SYCP2: variants seen among roughly 807,000 people sequenced by gnomAD.
SYCP2 encodes the protein synaptonemal complex lateral element protein.
A neutral mutation model predicts 211.3 loss-of-function variants in SYCP2; 55 were observed. That is an observed-to-expected ratio of 0.26 (90% CI 0.21 to 0.33). SYCP2 has a LOEUF of 0.33. SYCP2 is among the 10% of genes least tolerant of loss of function. The probability of loss-of-function intolerance (pLI) is 1.00; values close to 1 mark genes in which losing one functional copy is unlikely to be tolerated. For missense variants in SYCP2, 1,731 were observed against 1,752.0 expected (o/e 0.99, Z 0.21); for synonymous variants, 570 against 555.2 (o/e 1.03, Z -0.37).
intron 35 of SYCP2, among the ~76,000 whole-genome samples, chr20:59,872,095 C>G (rs897172497): frequency 1.3e-5 from 2 of 151,942 alleles, no homozygotes; most frequent in Middle Eastern, 3.2e-3. Flanking sequence ...TCTCCTACCT[C>G]TACTTTAAAC....
intron 24 of SYCP2, among the ~76,000 whole-genome samples, chr20:59,889,795 G>T (rs1361942055): frequency 1.3e-5 from 2 of 152,026 alleles, no homozygotes; most frequent in African/African-American, 2.4e-5. Context: ...TACCAAGGTT[G>T]CTCTGGGGTG....
At position 59,920,464 on chromosome 20, in the gene SYCP2, G is replaced by A; in HGVS notation, c.192C>T (p.His64=). ...CAGAAACCAAAATGGCTGAAACATT[G>A]TGGATATCCTCTTTATTAAGTTCCT... ...ICRELNKEDI[H]NVSAILVSVG... is the part of the protein sequence containing the mutation. The change falls in exon 5 of 45, where the codon CAC becomes CAT. Residue 64 remains histidine, a synonymous_variant. Transcript: ENST00000357552. 1 of 1,604,498 alleles carries A rather than the reference G, an allele frequency of 6.2e-7. No individual in the cohort carries two copies. The highest frequency in any genetic ancestry group is 8.5e-7 in the Non-Finnish European group (1 of 1,173,616).
rs752496580 is a variant in SYCP2, at chr20:59,912,406, A to G, written c.843T>C (p.Phe281=). The G allele has an allele frequency of 9.2e-7, 1 of 1,081,300 alleles. No individual in the cohort carries two copies. Among genetic ancestry groups the G allele is most frequent in the Admixed American group, 2.4e-5 (1 of 42,266 alleles). 67.0% of individuals were successfully genotyped at this position (1,081,300 alleles called of 1,614,324 possible). A position where few individuals can be genotyped will look rare whatever the true frequency, so the allele number is the denominator to read the frequency against. ...TATCAAGAAATGCTGATAAACAAGGAAATGTAAAGACCCTGAAATAAAAAG... is the reference window on the plus strand; with the variant it reads ...TATCAAGAAATGCTGATAAACAAGGGAATGTAAAGACCCTGAAATAAAAAG... ...MLGDKRRVFT[F]PCLSAFLDKY... is the part of the protein sequence containing the mutation. Residue 281 remains phenylalanine (F), a synonymous_variant, in exon 13 of 45, where the codon TTT becomes TTC. Coordinates refer to ENST00000357552, the MANE Select transcript of SYCP2 (RefSeq NM_014258.4).
chr20:59,869,747 A>G, intron 36 of SYCP2, 51 bp downstream of exon 36: 1 of 1,088,690 alleles, frequency 9.2e-7, no homozygotes, highest in Non-Finnish European at 1.3e-6. Flanking sequence ...TGAGTCTTAT[A>G]AGAACCATCT....
At chr20:59,897,287 G>A (rs980722224) in intron 18 of SYCP2, among the ~76,000 whole-genome samples, 2 of 152,138 alleles carry the variant, frequency 1.3e-5, no homozygotes, top group African/African-American at 4.8e-5. Flanking sequence ...GTGAGGGAAG[G>A]ATGGAAAGGA....
At chr20:59,865,188 T>C (rs1000777929) in intron 44 of SYCP2, among the ~76,000 whole-genome samples, 200 bp downstream of exon 44, 1 of 151,976 alleles carries the variant, frequency 6.6e-6, no homozygotes, top group Non-Finnish European at 1.5e-5. Context: ...CTTTTACTCC[T>C]TAGGAGGGCC....
intron 31 of SYCP2, 23 bp downstream of exon 31, chr20:59,880,280 T>C (rs925241680): frequency 6.5e-7 from 1 of 1,540,548 alleles, no homozygotes. Context: ...TTTGCAACAT[T>C]TATCCAAAAG....
intron 27 of SYCP2, 31 bp from the exon 28 acceptor site, chr20:59,882,033 C>T (rs181630890): frequency 1.8e-5 from 29 of 1,608,302 alleles, no homozygotes; most frequent in African/African-American, 2.7e-5. Flanking sequence ...ATTAGCTCCA[C>T]TTAAATATGT....
intron 35 of SYCP2, among the ~76,000 whole-genome samples, chr20:59,873,353 G>A (rs1401324157): frequency 6.6e-6 from 1 of 152,104 alleles, no homozygotes; most frequent in Non-Finnish European, 1.5e-5. Context: ...CTCTACAGTT[G>A]ATCTGATAAC....
chr20:59,872,841 C>T (rs886907778), intron 35 of SYCP2, among the ~76,000 whole-genome samples: 3 of 151,948 alleles, frequency 2.0e-5, no homozygotes, highest in African/African-American at 4.8e-5. Context: ...AAGTCTATGG[C>T]CTTTAATAAA....
intron 19 of SYCP2, 82 bp downstream of exon 19, chr20:59,896,347 A>G (rs964965609): frequency 1.1e-5 from 8 of 723,524 alleles, no homozygotes; most frequent in East Asian, 8.1e-5. Context: ...CCTTTATGTA[A>G]ATTATGTTCA....
chr20:59,910,831 AC>A (rs2060307361), intron 14 of SYCP2, among the ~76,000 whole-genome samples: 1 of 151,560 alleles, frequency 6.6e-6, no homozygotes, highest in Non-Finnish European at 1.5e-5. Context: ...AGCTTAAAAC[AC>A]TCCTACAAAT....
rs779962593 is a variant in SYCP2 at position 59,907,431 on chromosome 20, T to A, written c.973-7A>T. ...CTGCTTCCCATTGATGATCCTTAAA[T>A]TTAAAAGCAGGTTTTGGCCATAAAT... On this transcript the variant is annotated splice_polypyrimidine_tract_variant and splice_region_variant and intron_variant, in intron 14 of 44. Coordinates refer to ENST00000357552, the MANE Select transcript of SYCP2 (RefSeq NM_014258.4). 2 of 1,607,836 alleles carry A rather than the reference T, an allele frequency of 1.2e-6. No individual in the cohort carries two copies. Among genetic ancestry groups the A allele is most frequent in the East Asian group, 4.5e-5 (2 of 44,732 alleles).
intron 35 of SYCP2, among the ~76,000 whole-genome samples, chr20:59,870,822 A>G (rs528658235): frequency 6.6e-6 from 1 of 151,794 alleles, no homozygotes; most frequent in African/African-American, 2.4e-5. Flanking sequence ...GGCCCATGTG[A>G]TCACCCAGCC....
chr20:59,910,526 G>A (rs1036260783), intron 14 of SYCP2, among the ~76,000 whole-genome samples: 20 of 151,296 alleles, frequency 1.3e-4, no homozygotes, highest in Non-Finnish European at 2.8e-4. Flanking sequence ...GACTACAGGC[G>A]CCTGCCACCA....
chr20:59,921,450 A>G lies in SYCP2; in HGVS notation c.28T>C (p.Leu10=), dbSNP rs1450082817. The change falls in exon 4 of 45, where the codon TTG becomes CTG. Residue 10 remains leucine (L), a synonymous_variant. Transcript: ENST00000357552. ...AAAGCATCATCAATGCATTTTTCCA[A>G]CTGCTAGAGAAATATATTTAATGGC... MPIRPDLQQ[L]EKCIDDALRK... The G allele has an allele frequency of 6.3e-7, 1 of 1,597,880 alleles. No individual in the cohort carries two copies. Among genetic ancestry groups the G allele is most frequent in the Admixed American group, 1.7e-5 (1 of 57,896 alleles).
intron 13 of SYCP2, 157 bp downstream of exon 13, chr20:59,912,216 C>A (rs1568970286): frequency 2.1e-6 from 1 of 472,700 alleles, no homozygotes; most frequent in South Asian, 2.5e-5. Flanking sequence ...CATAAAACTT[C>A]TCCTGGTTTC....
chr20:59,896,416 C>T lies in SYCP2; in HGVS notation c.1504+13G>A. 1 of 1,432,340 alleles carries T rather than the reference C, an allele frequency of 7.0e-7. No individual in the cohort carries two copies. Among genetic ancestry groups the T allele is most frequent in the Non-Finnish European group, 9.7e-7 (1 of 1,033,500 alleles). The allele number at this position is 1,432,340 out of a possible 1,614,324, so 88.7% of individuals were successfully genotyped here. On this transcript the variant is annotated intron_variant, in intron 19 of 44. Coordinates refer to ENST00000357552, the MANE Select transcript of SYCP2 (RefSeq NM_014258.4). ...AATAATTGTTAGAAATCTTTTAAAA[C>T]TATAAAACTTACATGTGTTGCTGAA...
intron 35 of SYCP2, among the ~76,000 whole-genome samples, chr20:59,872,711 T>C (rs947962339): frequency 6.6e-6 from 1 of 152,034 alleles, no homozygotes; most frequent in African/African-American, 2.4e-5. Flanking sequence ...GTAACAGGAA[T>C]GATCACTTCC....
Sources: allele counts gnomAD v4.1 joint callset (sites outside exome capture counted in the v4.1 genomes callset), GRCh38; gene constraint gnomAD v4.1.1; transcripts MANE v1.5; gene names NCBI Gene and HGNC (gene_info 2026-07-23, HGNC 2026-07-21).